The following SIDT2 variants were observed in gnomAD, a reference collection of about 807,000 sequenced individuals.
SIDT2 encodes SID1 transmembrane family member 2, also known as SID1 transmembrane family, member 2.
SIDT2 carries 68 observed loss-of-function variants against 114.4 expected under a neutral mutation model. The ratio of observed to expected loss-of-function variants is 0.59; its 90% CI spans 0.49 to 0.73. The LOEUF is 0.73. Ranked by LOEUF, SIDT2 falls within the 30% of genes least tolerant of loss-of-function variation. The pLI, the probability that SIDT2 is intolerant of heterozygous loss-of-function variation, is 0.00. For synonymous variants in SIDT2, 470 were observed against 438.4 expected, an observed-to-expected ratio of 1.07 and a Z score of -0.90; for missense variants, 918 against 1,097.1, an observed-to-expected ratio of 0.84 and a Z score of 2.31.
chr11:117,180,531 C>CTTTTTTTTTTT (rs35242634), intron 1 of SIDT2, among the ~76,000 whole-genome samples: 1 of 82,372 alleles, frequency 1.2e-5, no homozygotes, highest in Non-Finnish European at 2.2e-5. Context: ...ATCACTTTAT[C>CTTTTTTTTTTT]TTTTTTTTTT....
Position 117,190,230 on chromosome 11 carries a change from A to G in SIDT2, c.1558A>G (p.Ile520Val). 1 of 1,578,490 alleles carries G rather than the reference A, an allele frequency of 6.3e-7. No homozygotes were observed. Among genetic ancestry groups the G allele is most frequent in the Non-Finnish European group, 8.6e-7 (1 of 1,162,660 alleles). ...ILLGLLFLLI[I>V]LQREINHNRA... ...GCTGGGGCTGCTTTTCCTGCTCATC[A>G]TCCTGCAACGGGAGATCAACCACAA... The change falls in exon 17 of 26, where the codon ATC (isoleucine) becomes GTC (valine). Residue 520 changes from isoleucine (I) to valine (V), a missense_variant. Transcript: ENST00000324225. The surrounding 1 kb of genome is among the most constrained non-coding windows in gnomAD (Gnocchi z 4.1).
At chr11:117,195,706 GGA>G (rs1278778515) in intron 24 of SIDT2, 94 bp from the exon 25 acceptor site, 9 of 1,266,022 alleles carry the variant, frequency 7.1e-6, no homozygotes, top group South Asian at 1.3e-5. Flanking sequence ...GCCTGGGGCT[GGA>G]GAGAGGGGTG....
At position 117,186,226 on chromosome 11, in the gene SIDT2, A is replaced by G. The variant is rs745444757; in HGVS notation, c.962+3A>G. The G allele has an allele frequency of 1.2e-6, 2 of 1,613,754 alleles. No individual in the cohort carries two copies. Among genetic ancestry groups the G allele is most frequent in the Non-Finnish European group, 1.7e-6 (2 of 1,179,696 alleles). ...CTGGCCTGCTGGGAGAACTGGAGGTAAAGTGGAACTGCTGGGCCTCCCCTG... is the reference window on the plus strand; with the variant it reads ...CTGGCCTGCTGGGAGAACTGGAGGTGAAGTGGAACTGCTGGGCCTCCCCTG... On this transcript the variant is annotated splice_donor_region_variant and intron_variant, in intron 9 of 25. Coordinates refer to ENST00000324225, the MANE Select transcript of SIDT2 (RefSeq NM_001040455.2).
chr11:117,180,432 A>G (rs989400536), intron 1 of SIDT2, among the ~76,000 whole-genome samples: 3 of 152,132 alleles, frequency 2.0e-5, no homozygotes, highest in African/African-American at 7.2e-5. Context: ...CAGCAGCCCA[A>G]TAACAAGCAT....
At chr11:117,187,180 T>G (rs2030527497) in intron 10 of SIDT2, among the ~76,000 whole-genome samples, 198 bp from the exon 11 acceptor site, 1 of 150,862 alleles carries the variant, frequency 6.6e-6, no homozygotes, top group Non-Finnish European at 1.5e-5. Flanking sequence ...TGGTGCTGTT[T>G]CCATGGGAGA....
rs942020646 is a variant in SIDT2, at chr11:117,186,196, T to C, written c.935T>C (p.Val312Ala). The C allele has an allele frequency of 1.5e-5, 24 of 1,613,972 alleles. No homozygotes were observed. Among genetic ancestry groups the C allele is most frequent in the Non-Finnish European group, 1.9e-5 (23 of 1,180,020 alleles). Residue 312 changes from valine (V) to alanine (A), a missense_variant, in exon 9 of 26, where the codon GTC becomes GCC. Physicochemically the swap from Val to Ala is moderately conservative, Grantham distance 64. This residue lies in a region of SIDT2 where 553 missense variants were observed against 600.1 expected (regional missense o/e 0.92). Transcript: ENST00000324225. ...TTTCTCTCCTTTTACCTGCTGACCG[T>C]CCTCCTGGCCTGCTGGGAGAACTGG... ...GIFLSFYLLT[V>A]LLACWENWRQ... is the part of the protein sequence containing the mutation.
chr11:117,193,979 C>T lies in SIDT2; in HGVS notation c.2322+16C>T, dbSNP rs778758114. On this transcript the variant is annotated intron_variant, in intron 24 of 25. Coordinates refer to ENST00000324225, the MANE Select transcript of SIDT2 (RefSeq NM_001040455.2). ...CACCTGGCAGGTGAGCACTCACCCT[C>T]AGGCTCCTTGTGAGCCAACAAGTGG... The T allele has an allele frequency of 2.6e-5, 42 of 1,599,448 alleles. No homozygotes were observed. The highest frequency in any genetic ancestry group is 3.2e-5 in the Non-Finnish European group (37 of 1,167,066).
At chr11:117,193,097 G>C (rs1440751275) in intron 22 of SIDT2, 56 bp from the exon 23 acceptor site, 16 of 1,548,934 alleles carry the variant, frequency 1.0e-5, no homozygotes, top group Non-Finnish European at 1.3e-5. Context: ...AGGGCAGGAA[G>C]AGCACTTCCT....
rs1301546442 is a variant in SIDT2 at position 117,179,198 on chromosome 11, A to C, written c.-66A>C. The C allele has an allele frequency of 6.0e-6, 9 of 1,502,022 alleles. No homozygotes were observed. The highest frequency in any genetic ancestry group is 8.1e-6 in the Non-Finnish European group (9 of 1,106,118). The allele number at this position is 1,502,022 out of a possible 1,614,324, so 93.0% of individuals were successfully genotyped here. On this transcript the variant is annotated 5_prime_UTR_variant, in exon 1 of 26. Coordinates refer to ENST00000324225, the MANE Select transcript of SIDT2 (RefSeq NM_001040455.2). ...CGGCCGCAGCCGCAACCCGTCCCGG[A>C]GGTGTCCTGTCTCCTGTCGCCGCCG...
At chr11:117,191,736 A>T in intron 18 of SIDT2, 142 bp from the exon 19 acceptor site, 1 of 1,180,684 alleles carries the variant, frequency 8.5e-7, no homozygotes, top group Non-Finnish European at 1.2e-6. Context: ...CTGAAGTTCA[A>T]GTGCCACCCT....
rs2030901167 is a variant in SIDT2, at chr11:117,196,481, C to CCCATACT, written c.*418_*424dup. ...CTGGGACCTAAGGCCTCTTTTTCCT[C>CCCATACT]CCATACTCCCACTCCAGGGCCTAGT... is the stretch of plus-strand genomic sequence containing the variant. On this transcript the variant is annotated 3_prime_UTR_variant, in exon 26 of 26. Coordinates refer to ENST00000324225, the MANE Select transcript of SIDT2 (RefSeq NM_001040455.2). This position sits in a 1 kb window ranked among gnomAD's most constrained non-coding sequence, Gnocchi z 4.9. The CCCATACT allele has an allele frequency of 4.3e-6, 1 of 231,884 alleles. No homozygotes were observed. Among genetic ancestry groups the CCCATACT allele is most frequent in the African/African-American group, 2.3e-5 (1 of 44,120 alleles). The allele number at this position is 231,884 out of a possible 1,614,324, so 14.4% of individuals were successfully genotyped here. A position where few individuals can be genotyped will look rare whatever the true frequency, so the allele number is the denominator to read the frequency against.
At position 117,184,025 on chromosome 11, in the gene SIDT2, T is replaced by C; in HGVS notation, c.803-49T>C. On this transcript the variant is annotated intron_variant, in intron 7 of 25. Transcript: ENST00000324225. ...CTCAAAGGCCTGATCCCACTGACTC[T>C]AGCCAAGCTCCAGGCAACTAGTTTA... 2.5e-6 allele frequency: 4 copies of C among 1,606,748 alleles called. No individual in the cohort carries two copies. In the South Asian group the frequency reaches 3.3e-5, roughly 13 times the overall value.
Position 117,183,843 on chromosome 11 carries a change from G to C in SIDT2, c.767G>C (p.Cys256Ser). The change falls in exon 7 of 26, where the codon TGC becomes TCC. Residue 256 changes from cysteine to serine, a missense_variant. Physicochemically the swap from Cys to Ser is moderately radical, Grantham distance 112. Transcript: ENST00000324225. ...GTGGTGAAGACCGAAGACCAAGCCT[G>C]CGGGGGCTCCCTGCCTTTCTACCCC... ...VVVVKTEDQA[C>S]GGSLPFYPFA... 6.2e-7 allele frequency: 1 copy of C among 1,614,126 alleles called. No individual in the cohort carries two copies. The highest frequency in any genetic ancestry group is 1.7e-5 in the Admixed American group (1 of 60,006).
Position 117,182,731 on chromosome 11 carries a change from C to G in SIDT2, c.627C>G (p.Val209=). ...CTCCCGCCCCTCTGCAGTGTCCTGT[C>G]TATGACCTGGACAACAACGTAGCCT... is the stretch of plus-strand genomic sequence containing the variant. The part of the protein sequence containing the change: ...VISIQDVLCP[V]YDLDNNVAFI... Residue 209 remains valine, a synonymous_variant, in exon 6 of 26, where the codon GTC becomes GTG. Transcript: ENST00000324225. 6.2e-7 allele frequency: 1 copy of G among 1,614,230 alleles called. No individual in the cohort carries two copies. The highest frequency in any genetic ancestry group is 8.5e-7 in the Non-Finnish European group (1 of 1,180,034).
At position 117,186,233 on chromosome 11, in the gene SIDT2, A is replaced by G. The variant is rs757976382; in HGVS notation, c.962+10A>G. 5.0e-6 allele frequency: 8 copies of G among 1,613,132 alleles called. No homozygotes were observed. In the South Asian group the frequency reaches 8.8e-5, roughly 18 times the overall value. On this transcript the variant is annotated intron_variant, in intron 9 of 25. Transcript: ENST00000324225. ...GCTGGGAGAACTGGAGGTAAAGTGG[A>G]ACTGCTGGGCCTCCCCTGGTCTGGG...
In SIDT2 at chr11:117,179,228, C is replaced by G; in HGVS notation, c.-36C>G. On this transcript the variant is annotated 5_prime_UTR_variant, in exon 1 of 26. Coordinates refer to ENST00000324225, the MANE Select transcript of SIDT2 (RefSeq NM_001040455.2). ...TCCTGTCTCCTGTCGCCGCCGCCGCCGCCACCACCGCTGCCACTGCCGCCC... is the reference window on the plus strand; with the variant it reads ...TCCTGTCTCCTGTCGCCGCCGCCGCGGCCACCACCGCTGCCACTGCCGCCC... The G allele has an allele frequency of 6.3e-7, 1 of 1,593,762 alleles. No individual in the cohort carries two copies. Among genetic ancestry groups the G allele is most frequent in the Non-Finnish European group, 8.5e-7 (1 of 1,171,690 alleles).
chr11:117,179,588 C>T (rs2030182632), intron 1 of SIDT2, 142 bp downstream of exon 1: 1 of 773,860 alleles, frequency 1.3e-6, no homozygotes, highest in East Asian at 2.8e-5. Context: ...CACACTGGAG[C>T]CTCTTGACCA....
At position 117,188,896 on chromosome 11, in the gene SIDT2, A is replaced by G. The variant is rs1487746697; in HGVS notation, c.1278+70A>G. ...GGACATTCTGCGTTCCCGCCCCAGC[A>G]TGTTCCCACTGACGTGGCATTTAGG... On this transcript the variant is annotated intron_variant, in intron 13 of 25. Transcript: ENST00000324225. This position sits in a 1 kb window ranked among gnomAD's most constrained non-coding sequence, Gnocchi z 4.0. 1.4e-6 allele frequency: 2 copies of G among 1,434,262 alleles called. No individual in the cohort carries two copies. The highest frequency in any genetic ancestry group is 2.3e-5 in the East Asian group (1 of 43,888). 88.8% of individuals were successfully genotyped at this position (1,434,262 alleles called of 1,614,324 possible).
chr11:117,196,260 G>A lies in SIDT2; in HGVS notation c.*194G>A. 6 of 704,520 alleles carry A rather than the reference G, an allele frequency of 8.5e-6. No homozygotes were observed. The highest frequency in any genetic ancestry group is 1.4e-5 in the Non-Finnish European group (6 of 430,828). The allele number at this position is 704,520 out of a possible 1,614,324, so 43.6% of individuals were successfully genotyped here. A position where few individuals can be genotyped will look rare whatever the true frequency, so the allele number is the denominator to read the frequency against. ...GCATGGAACCTTGCAGCTGCCCTCT[G>A]CCGAGGAGCAGGCCTGCTCCCCTGG... On this transcript the variant is annotated 3_prime_UTR_variant, in exon 26 of 26. Transcript: ENST00000324225. The surrounding 1 kb of genome is among the most constrained non-coding windows in gnomAD (Gnocchi z 4.9).
Sources: allele counts gnomAD v4.1 joint callset (sites outside exome capture counted in the v4.1 genomes callset), GRCh38; gene constraint gnomAD v4.1.1; regional missense constraint gnomAD v4.1.1; non-coding constraint Gnocchi (gnomAD v3.1); transcripts MANE v1.5; gene names NCBI Gene and HGNC (gene_info 2026-07-23, HGNC 2026-07-21).